The following SLC30A6 variants were observed in gnomAD, a reference collection of about 807,000 sequenced individuals.
SLC30A6 encodes solute carrier family 30 member 6.
Under a neutral mutation model 63.0 loss-of-function variants are expected in SLC30A6, and 55 were observed. The ratio of observed to expected loss-of-function variants is 0.87; its 90% CI spans 0.70 to 1.09. SLC30A6 has a LOEUF of 1.09. Ranked by LOEUF, SLC30A6 falls within the 50% of genes least tolerant of loss-of-function variation. The probability of loss-of-function intolerance (pLI) is 0.00; values close to 1 mark genes in which losing one functional copy is unlikely to be tolerated. For synonymous variants in SLC30A6, 224 were observed against 186.1 expected (o/e 1.20, Z -1.66); for missense variants, 587 against 549.2 (o/e 1.07, Z -0.69).
rs151196875 is a variant in SLC30A6 at position 32,210,408 on chromosome 2, G to A, written c.885+847G>A. 9.4e-3 allele frequency among the ~76,000 whole-genome samples: 1,411 copies of A among 150,682 alleles called. 21 individuals carry two copies. The highest frequency in any genetic ancestry group is 0.032 in the African/African-American group (1,331 of 41,044). ...CACACGCCTGTAATTCCAGTTACTC[G>A]GGAGGCTGAGGCAGGAGAATCTCTT... On this transcript the variant is annotated intron_variant, in intron 13 of 13. Transcript: ENST00000282587.
Position 32,220,753 on chromosome 2 carries a change from G to C in SLC30A6, c.*40G>C. 6.5e-7 allele frequency: 1 copy of C among 1,545,888 alleles called. No individual in the cohort carries two copies. Among genetic ancestry groups the C allele is most frequent in the Admixed American group, 2.0e-5 (1 of 50,430 alleles). ...TTTTTATAAGGAATATTGACTCCTTGGCTTCCAATTTATTTAGTAATCCAA... is the reference window on the plus strand; with the variant it reads ...TTTTTATAAGGAATATTGACTCCTTCGCTTCCAATTTATTTAGTAATCCAA... On this transcript the variant is annotated 3_prime_UTR_variant, in exon 14 of 14. Coordinates refer to ENST00000282587, the MANE Select transcript of SLC30A6 (RefSeq NM_017964.5).
At chr2:32,208,361 C>T (rs950715710) in intron 12 of SLC30A6, among the ~76,000 whole-genome samples, 15 of 151,616 alleles carry the variant, frequency 9.9e-5, no homozygotes, top group Admixed American at 7.9e-4. Flanking sequence ...GAACTCCTGA[C>T]CTCAAATGAT....
In SLC30A6 at chr2:32,171,335, T is replaced by C. The variant is rs1681186510; in HGVS notation, c.52T>C (p.Leu18=). The C allele has an allele frequency of 5.0e-6, 8 of 1,613,826 alleles. No homozygotes were observed. The East Asian group carries it at 1.8e-4, about 36-fold the overall frequency. The change falls in exon 2 of 14, where the codon TTG becomes CTG. Residue 18 remains leucine, a synonymous_variant. Transcript: ENST00000282587. Reference sequence around the variant, plus strand: ...ACCACAAAGATCCTTTTTTGGCAAGTTGTTACGGGAATTTAGACTTGTAGC... The same window carrying C: ...ACCACAAAGATCCTTTTTTGGCAAGCTGTTACGGGAATTTAGACTTGTAGC... The part of the protein sequence containing the change: ...RKPQRSFFGK[L]LREFRLVAAD...
intron 11 of SLC30A6, among the ~76,000 whole-genome samples, chr2:32,205,434 A>G (rs1195779527): frequency 6.6e-6 from 1 of 151,910 alleles, no homozygotes; most frequent in African/African-American, 2.4e-5. Context: ...AAACAAAACA[A>G]CATTTTTTTT....
intron 4 of SLC30A6, among the ~76,000 whole-genome samples, chr2:32,179,496 T>A (rs1682091264): frequency 6.6e-6 from 1 of 152,208 alleles, no homozygotes; most frequent in African/African-American, 2.4e-5. Context: ...ATTGCTTCAT[T>A]TCCAGAGTTA....
At chr2:32,206,579 T>C (rs1183824340) in intron 11 of SLC30A6, among the ~76,000 whole-genome samples, 1 of 152,222 alleles carries the variant, frequency 6.6e-6, no homozygotes, top group Non-Finnish European at 1.5e-5. Flanking sequence ...AATAGTTGCA[T>C]AGTGCTATGC....
rs1017077243 is a variant in SLC30A6, at chr2:32,197,839, T to C, written c.665+13T>C. The C allele has an allele frequency of 6.2e-7, 1 of 1,613,044 alleles. No individual in the cohort carries two copies. The highest frequency in any genetic ancestry group is 1.3e-5 in the African/African-American group (1 of 75,010). ...TCATTGAAATTAAGTGAGTATTTTT[T>C]ATTGTTGTCAAGTATGTTTTGATTT... On this transcript the variant is annotated intron_variant, in intron 10 of 13. Coordinates refer to ENST00000282587, the MANE Select transcript of SLC30A6 (RefSeq NM_017964.5).
At chr2:32,175,292 T>C (rs748601808) in intron 3 of SLC30A6, 27 bp from the exon 4 acceptor site, 2 of 1,606,488 alleles carry the variant, frequency 1.2e-6, no homozygotes, top group Non-Finnish European at 1.7e-6. Context: ...CAGTAATACT[T>C]TTAATCATTT....
At chr2:32,171,253 T>C in intron 1 of SLC30A6, 34 bp from the exon 2 acceptor site, 2 of 1,564,160 alleles carry the variant, frequency 1.3e-6, no homozygotes, top group South Asian at 1.1e-5. Context: ...TGATTAAATA[T>C]CTAAATGCTG....
chr2:32,192,936 A>G lies in SLC30A6; in HGVS notation c.384A>G (p.Glu128=). The change falls in exon 7 of 14, where the codon GAA becomes GAG. Residue 128 remains glutamate (E), a synonymous_variant. Transcript: ENST00000282587. ...ILKESAERFL[E]QPEIHTGRLL... ...CTTATAGTGCAGAACGCTTTTTGGA[A>G]CAGCCCGAGATACACACGTGAGATT... The G allele has an allele frequency of 2.0e-6, 3 of 1,525,726 alleles. No homozygotes were observed. The highest frequency in any genetic ancestry group is 1.4e-5 in the African/African-American group (1 of 71,972). The allele number at this position is 1,525,726 out of a possible 1,614,324, so 94.5% of individuals were successfully genotyped here. A position where few individuals can be genotyped will look rare whatever the true frequency, so the allele number is the denominator to read the frequency against.
chr2:32,220,347 C>T lies in SLC30A6; in HGVS notation c.1020C>T (p.Ala340=). 1 of 1,614,186 alleles carries T rather than the reference C, an allele frequency of 6.2e-7. No individual in the cohort carries two copies. The highest frequency in any genetic ancestry group is 1.1e-5 in the South Asian group (1 of 91,088). Residue 340 remains alanine, a synonymous_variant, in exon 14 of 14, where the codon GCC becomes GCT. Coordinates refer to ENST00000282587, the MANE Select transcript of SLC30A6 (RefSeq NM_017964.5). Reference sequence around the variant, plus strand: ...TCAAGGATGACTGGATTAGGCCTGCCTTATTGTCTGGGCCTGTTGCAGCCA... The same window carrying T: ...TCAAGGATGACTGGATTAGGCCTGCTTTATTGTCTGGGCCTGTTGCAGCCA... ...QIFKDDWIRP[A]LLSGPVAANV...
At chr2:32,174,596 C>G (rs1681555188) in intron 3 of SLC30A6, among the ~76,000 whole-genome samples, 1 of 134,096 alleles carries the variant, frequency 7.5e-6, no homozygotes, top group Admixed American at 8.5e-5. Flanking sequence ...ACTCTGTTGC[C>G]AGGCTGTAGT....
rs139612585 is a variant in SLC30A6, at chr2:32,165,932, G to C, written c.3+29G>C. 3.9e-4 allele frequency: 630 copies of C among 1,614,118 alleles called. 6 individuals carry two copies. The East Asian group carries it at 0.013, about 33-fold the overall frequency. On this transcript the variant is annotated intron_variant, in intron 1 of 13. Transcript: ENST00000282587. ...AGTTGGCTGTTGGGGTGAGGGTTTC[G>C]GCTGTAGCTGATTCGGTTTATCTTA... is the stretch of plus-strand genomic sequence containing the variant.
intron 4 of SLC30A6, among the ~76,000 whole-genome samples, chr2:32,183,802 G>A (rs963764319): frequency 1.3e-5 from 2 of 151,944 alleles, no homozygotes; most frequent in African/African-American, 2.4e-5. Flanking sequence ...GTTTTACAGT[G>A]AATCTACTAT....
chr2:32,181,933 C>CTTTTTTTT (rs34589397), intron 4 of SLC30A6, among the ~76,000 whole-genome samples: 6 of 122,934 alleles, frequency 4.9e-5, no homozygotes, highest in East Asian at 2.3e-4. Flanking sequence ...TTTTTCTTTT[C>CTTTTTTTT]TTTTTTTTTT....
Position 32,220,651 on chromosome 2 carries a change from G to C in SLC30A6, c.1324G>C (p.Gly442Arg). ...TGGAGCAACTCAAGGATTGAGGACTGGTTTTACAAATATACCAAGTAGATA... is the reference window on the plus strand; with the variant it reads ...TGGAGCAACTCAAGGATTGAGGACTCGTTTTACAAATATACCAAGTAGATA... Reference protein sequence around the residue: ...GIGATQGLRTGFTNIPSRYGT... With the variant: ...GIGATQGLRTRFTNIPSRYGT... Residue 442 changes from glycine to arginine, a missense_variant, in exon 14 of 14, where the codon GGT becomes CGT. By Grantham distance (125) the Gly-to-Arg change is moderately radical. Transcript: ENST00000282587. The C allele has an allele frequency of 4.3e-6, 7 of 1,614,056 alleles. No individual in the cohort carries two copies. The highest frequency in any genetic ancestry group is 5.9e-6 in the Non-Finnish European group (7 of 1,179,984).
chr2:32,199,244 A>G (rs1422757069), intron 10 of SLC30A6, among the ~76,000 whole-genome samples: 1 of 152,180 alleles, frequency 6.6e-6, no homozygotes, highest in African/African-American at 2.4e-5. Context: ...CCATTTATCC[A>G]TCAGTGGATA....
At chr2:32,214,586 A>G (rs146477703) in intron 13 of SLC30A6, 28 of 152,182 alleles carry the variant, frequency 1.8e-4, no homozygotes, top group African/African-American at 5.8e-4. Context: ...TAATTGCGTT[A>G]ATGACATTGG....
intron 13 of SLC30A6, among the ~76,000 whole-genome samples, chr2:32,210,420 C>T (rs932715993): frequency 2.1e-5 from 3 of 145,952 alleles, no homozygotes; most frequent in Non-Finnish European, 4.5e-5. Context: ...GAGGCTGAGG[C>T]AGGAGAATCT....
Sources: gnomAD v4.1 joint callset for allele counts (sites outside exome capture counted in the v4.1 genomes callset) on GRCh38, gnomAD v4.1.1 for gene constraint, MANE v1.5 for transcripts, NCBI Gene and HGNC (gene_info 2026-07-23, HGNC 2026-07-21) for gene names.